The following ATP8B4 variants were observed in gnomAD, a reference collection of about 807,000 sequenced individuals.
The protein encoded by ATP8B4 is probable phospholipid-transporting ATPase IM.
A neutral mutation model predicts 145.6 loss-of-function variants in ATP8B4; 133 were observed. The observed-to-expected ratio is 0.91, with a 90% CI of 0.79 to 1.05. The LOEUF (loss-of-function observed/expected upper bound fraction) is 1.05, where lower values mean the gene tolerates loss of function less well. Among genes scored for constraint, ATP8B4 ranks in the 50% least tolerant of loss-of-function variants. The pLI is 0.00. For synonymous variants in ATP8B4, 507 were observed against 492.9 expected (o/e 1.03, Z -0.38); for missense variants, 1,458 against 1,425.2 (o/e 1.02, Z -0.37).
At chr15:50,029,497 A>G (rs1000279263) in intron 6 of ATP8B4, among the ~76,000 whole-genome samples, 4 of 152,040 alleles carry the variant, frequency 2.6e-5, no homozygotes, top group African/African-American at 9.7e-5. Context: ...CTTCTCTCAT[A>G]AAGACACTGG....
intron 14 of ATP8B4, among the ~76,000 whole-genome samples, chr15:49,940,400 G>A (rs1358928399): frequency 6.6e-6 from 1 of 152,100 alleles, no homozygotes; most frequent in Non-Finnish European, 1.5e-5. Context: ...GCTACAGCAG[G>A]GAGGTAGGGA....
intron 3 of ATP8B4, among the ~76,000 whole-genome samples, chr15:50,054,521 C>A (rs528673024): frequency 1.3e-5 from 2 of 152,102 alleles, no homozygotes; most frequent in Non-Finnish European, 2.9e-5. Flanking sequence ...CGGTGGCTCA[C>A]GCCGGTAATC....
intron 1 of ATP8B4, among the ~76,000 whole-genome samples, chr15:50,116,792 T>A (rs1016397471): frequency 9.2e-5 from 14 of 151,830 alleles, no homozygotes; most frequent in Admixed American, 7.9e-4. Context: ...CAAACTCCAG[T>A]TGAGTAAATA....
intron 3 of ATP8B4, among the ~76,000 whole-genome samples, chr15:50,048,158 G>A (rs965838091): frequency 3.1e-4 from 47 of 152,098 alleles, no homozygotes; most frequent in African/African-American, 1.1e-3. Flanking sequence ...AGAGTGGGTG[G>A]AGAGCTAGAC....
Position 49,897,277 on chromosome 15 carries a change from C to G in ATP8B4, c.2697+15G>C. ...AAACAAACAAACAAACAAAAAAAAA[C>G]ATGCTTTTACCAACCTGGGCTGAGA... is the stretch of plus-strand genomic sequence containing the variant. On this transcript the variant is annotated intron_variant, in intron 23 of 27. Coordinates refer to ENST00000284509, the MANE Select transcript of ATP8B4 (RefSeq NM_024837.4). 6.4e-7 allele frequency: 1 copy of G among 1,569,662 alleles called. No homozygotes were observed. The highest frequency in any genetic ancestry group is 1.2e-5 in the South Asian group (1 of 86,062).
At chr15:49,891,989 G>A (rs1236637644) in intron 23 of ATP8B4, among the ~76,000 whole-genome samples, 1 of 151,948 alleles carries the variant, frequency 6.6e-6, no homozygotes, top group East Asian at 1.9e-4. Context: ...GATGGCACGT[G>A]CCTGTAGTCC....
At chr15:50,155,299 T>G (rs1369240648) in intron 1 of ATP8B4, among the ~76,000 whole-genome samples, 1 of 152,166 alleles carries the variant, frequency 6.6e-6, no homozygotes, top group Non-Finnish European at 1.5e-5. Context: ...TTATAGTGTA[T>G]AGTTGTATAT....
At chr15:49,999,570 A>G (rs2047718857) in intron 8 of ATP8B4, among the ~76,000 whole-genome samples, 1 of 152,120 alleles carries the variant, frequency 6.6e-6, no homozygotes, top group Non-Finnish European at 1.5e-5. Flanking sequence ...AGTATTTTCC[A>G]GGACTCCTGA....
intron 1 of ATP8B4, among the ~76,000 whole-genome samples, chr15:50,174,551 CAA>C (rs35979987): frequency 2.5e-4 from 20 of 80,406 alleles, no homozygotes; most frequent in Middle Eastern, 7.4e-3. Flanking sequence ...ACAATCACTG[CAA>C]AAAAAAAAAA....
intron 13 of ATP8B4, among the ~76,000 whole-genome samples, chr15:49,965,258 C>T (rs1461654031): frequency 6.6e-6 from 1 of 152,210 alleles, no homozygotes; most frequent in Non-Finnish European, 1.5e-5. Context: ...TAGGAGATTG[C>T]AAACATCAAC....
intron 6 of ATP8B4, among the ~76,000 whole-genome samples, chr15:50,028,821 C>T (rs75325270): frequency 0.13 from 19,908 of 152,034 alleles, 1,417 homozygotes; most frequent in African/African-American, 0.19. Context: ...AACAAATGAA[C>T]GAACATAGAA....
intron 14 of ATP8B4, among the ~76,000 whole-genome samples, chr15:49,956,044 A>T (rs985994776): frequency 1.3e-5 from 2 of 152,192 alleles, no homozygotes; most frequent in Non-Finnish European, 2.9e-5. Flanking sequence ...AATAAAGAAC[A>T]GAAAAAAATA....
At chr15:49,881,238 T>C (rs1372166957) in intron 23 of ATP8B4, among the ~76,000 whole-genome samples, 1 of 152,154 alleles carries the variant, frequency 6.6e-6, no homozygotes, top group Non-Finnish European at 1.5e-5. Context: ...TGAGACATAC[T>C]CACCATTATA....
chr15:50,009,511 A>T, intron 7 of ATP8B4: 1 of 339,884 alleles, frequency 2.9e-6, no homozygotes, highest in South Asian at 2.3e-5. Context: ...CAAACCAAAG[A>T]CAAAGAAGAT....
intron 2 of ATP8B4, among the ~76,000 whole-genome samples, chr15:50,097,185 T>G (rs975339871): frequency 5.9e-5 from 9 of 152,174 alleles, no homozygotes; most frequent in Admixed American, 5.9e-4. Flanking sequence ...TTTAAACATA[T>G]AAATTAATAC....
At chr15:50,173,649 A>G (rs1205837103) in intron 1 of ATP8B4, among the ~76,000 whole-genome samples, 1 of 152,072 alleles carries the variant, frequency 6.6e-6, no homozygotes, top group Non-Finnish European at 1.5e-5. Flanking sequence ...CTATTGTCCT[A>G]TGACCCTGCC....
At chr15:49,864,115 T>C (rs2032358503) in intron 26 of ATP8B4, among the ~76,000 whole-genome samples, 2 of 152,248 alleles carry the variant, frequency 1.3e-5, no homozygotes, top group South Asian at 4.1e-4. Context: ...ATGACCAACA[T>C]GTCTCTACAT....
chr15:50,087,050 AT>A (rs1297280266), intron 2 of ATP8B4, among the ~76,000 whole-genome samples: 41 of 119,876 alleles, frequency 3.4e-4, no homozygotes, highest in Non-Finnish European at 4.8e-4. Context: ...AGAGATCTAT[AT>A]TTATTATATA....
chr15:49,973,143 C>T (rs547184381), intron 12 of ATP8B4, among the ~76,000 whole-genome samples: 32 of 152,134 alleles, frequency 2.1e-4, no homozygotes, highest in Non-Finnish European at 3.7e-4. Context: ...TTTTGGTCAC[C>T]GGGGACCAGT....
Sources: allele counts gnomAD v4.1 joint callset (sites outside exome capture counted in the v4.1 genomes callset), GRCh38; gene constraint gnomAD v4.1.1; transcripts MANE v1.5; gene names NCBI Gene and HGNC (gene_info 2026-07-23, HGNC 2026-07-21).